CHST11: variants seen among roughly 807,000 people sequenced by gnomAD.
The protein encoded by CHST11 is carbohydrate sulfotransferase 11.
In CHST11, 9 loss-of-function variants were observed where a neutral mutation model predicts 30.4. That is an observed-to-expected ratio of 0.30 (90% CI 0.18 to 0.52). The LOEUF is 0.52. CHST11 is among the 20% of genes least tolerant of loss of function. The pLI is 0.97. For synonymous variants in CHST11, 152 were observed against 187.8 expected (o/e 0.81, Z 1.56); for missense variants, 348 against 460.6 (o/e 0.76, Z 2.24).
intron 1 of CHST11, among the ~76,000 whole-genome samples, chr12:104,481,146 C>A (rs1228440372): frequency 6.6e-6 from 1 of 152,204 alleles, no homozygotes; most frequent in Non-Finnish European, 1.5e-5. Context: ...CCTTTCATGA[C>A]TTCTCATTGC....
chr12:104,712,308 ATC>A (rs1459313460), intron 2 of CHST11, among the ~76,000 whole-genome samples: 1 of 152,120 alleles, frequency 6.6e-6, no homozygotes, highest in African/African-American at 2.4e-5. Flanking sequence ...TGCCTTCAGC[ATC>A]TCACCTTGAC....
intron 1 of CHST11, chr12:104,591,665 G>C (rs61938575): frequency 6.6e-6 from 1 of 150,948 alleles, no homozygotes; most frequent in Admixed American, 6.6e-5. Flanking sequence ...AGGTCCCACA[G>C]CAGGGCTGGA....
chr12:104,672,010 A>G (rs1373508464), intron 2 of CHST11, among the ~76,000 whole-genome samples: 1 of 152,234 alleles, frequency 6.6e-6, no homozygotes, highest in Non-Finnish European at 1.5e-5. Context: ...CTGACCCGTC[A>G]GTGACCATGT....
chr12:104,696,155 A>G (rs575912984), intron 2 of CHST11, among the ~76,000 whole-genome samples: 1 of 151,852 alleles, frequency 6.6e-6, no homozygotes, highest in Non-Finnish European at 1.5e-5. Context: ...ATGGTTTCCA[A>G]GCCTTCTGTT....
chr12:104,490,696 A>C (rs866230315), intron 1 of CHST11, among the ~76,000 whole-genome samples: 3 of 152,292 alleles, frequency 2.0e-5, no homozygotes, highest in South Asian at 4.1e-4. Flanking sequence ...TGAGAAGTGG[A>C]AAGTGGGCTT....
In CHST11 at chr12:104,676,501, G is replaced by A. The variant is rs1428184389; in HGVS notation, c.204+74510G>A. On this transcript the variant is annotated intron_variant, in intron 2 of 2. Transcript: ENST00000303694. This position sits in a 1 kb window ranked among gnomAD's most constrained non-coding sequence, Gnocchi z 4.4. ...GCAATCTCGGCTCACTGCAACCTCCGCCTCCCGGGTTCAAGGGATTATTCT... is the reference window on the plus strand; with the variant it reads ...GCAATCTCGGCTCACTGCAACCTCCACCTCCCGGGTTCAAGGGATTATTCT... Among the ~76,000 whole-genome samples, 3 of 152,148 alleles carry A rather than the reference G, an allele frequency of 2.0e-5. No homozygotes were observed. Among genetic ancestry groups the A allele is most frequent in the African/African-American group, 4.8e-5 (2 of 41,444 alleles).
At chr12:104,542,735 C>G (rs2038297379) in intron 1 of CHST11, among the ~76,000 whole-genome samples, 1 of 152,118 alleles carries the variant, frequency 6.6e-6, no homozygotes, top group African/African-American at 2.4e-5. Context: ...CTGTATAAAC[C>G]TTTTAGTGCC....
At chr12:104,733,441 G>A (rs555095507) in intron 2 of CHST11, among the ~76,000 whole-genome samples, 11 of 152,294 alleles carry the variant, frequency 7.2e-5, no homozygotes, top group African/African-American at 2.2e-4. Flanking sequence ...AAGTTCCCCC[G>A]TGTTCAACCC....
At chr12:104,655,501 G>A (rs1219091054) in intron 2 of CHST11, among the ~76,000 whole-genome samples, 1 of 152,194 alleles carries the variant, frequency 6.6e-6, no homozygotes, top group Non-Finnish European at 1.5e-5. Context: ...GGGAGCAGGA[G>A]TCCTGGGGAG....
At chr12:104,500,588 A>G (rs1401494036) in intron 1 of CHST11, among the ~76,000 whole-genome samples, 1 of 152,198 alleles carries the variant, frequency 6.6e-6, no homozygotes, top group Non-Finnish European at 1.5e-5. Flanking sequence ...AGAGAGGAAC[A>G]AATAGGCAAG....
chr12:104,578,973 G>A (rs2038711908), intron 1 of CHST11, among the ~76,000 whole-genome samples: 1 of 152,192 alleles, frequency 6.6e-6, no homozygotes, highest in Non-Finnish European at 1.5e-5. Context: ...CCTATTTTGG[G>A]CCTGGTCCTA....
chr12:104,725,136 A>T (rs572176956), intron 2 of CHST11, among the ~76,000 whole-genome samples: 63 of 152,216 alleles, frequency 4.1e-4, no homozygotes, highest in Non-Finnish European at 8.2e-4. Flanking sequence ...TCTGACTCTC[A>T]ATTTCCTTAT....
chr12:104,587,900 G>GT (rs61022741), intron 1 of CHST11, among the ~76,000 whole-genome samples: 1 of 144,708 alleles, frequency 6.9e-6, no homozygotes, highest in East Asian at 2.0e-4. Flanking sequence ...AGGAGATTAG[G>GT]TTTTTTAAAA....
intron 1 of CHST11, among the ~76,000 whole-genome samples, chr12:104,588,109 A>T (rs532361430): frequency 6.6e-6 from 1 of 152,288 alleles, no homozygotes; most frequent in Middle Eastern, 3.4e-3. Flanking sequence ...TACTATTTAC[A>T]TGTAAAATTC....
intron 2 of CHST11, among the ~76,000 whole-genome samples, chr12:104,648,112 A>G (rs899455984): frequency 3.0e-4 from 45 of 152,310 alleles, no homozygotes; most frequent in Admixed American, 8.5e-4. Flanking sequence ...GAATACAAGG[A>G]GGTGAAGTTT....
intron 1 of CHST11, among the ~76,000 whole-genome samples, chr12:104,574,139 T>C (rs1238387873): frequency 6.6e-6 from 1 of 152,146 alleles, no homozygotes; most frequent in East Asian, 1.9e-4. Context: ...ATCAGAGAAA[T>C]GCAAATCAAA....
intron 2 of CHST11, among the ~76,000 whole-genome samples, chr12:104,648,209 A>C (rs1469313450): frequency 6.6e-6 from 1 of 152,164 alleles, no homozygotes; most frequent in African/African-American, 2.4e-5. Context: ...TTGGGTATCT[A>C]TATTGTTTCC....
In CHST11 at chr12:104,647,279, T is replaced by C. The variant is rs544634616; in HGVS notation, c.204+45288T>C. Among the ~76,000 whole-genome samples the C allele has an allele frequency of 5.9e-5, 9 of 152,328 alleles. No homozygotes were observed. In the East Asian group the frequency reaches 1.3e-3, roughly 23 times the overall value. On this transcript the variant is annotated intron_variant, in intron 2 of 2. Coordinates refer to ENST00000303694, the MANE Select transcript of CHST11 (RefSeq NM_018413.6). ...CAGCATGCAAGGTAGACATCTTTGT[T>C]TTTTCCTGATGGAAGCCAACTGGCT...
At chr12:104,673,303 C>T (rs556889908) in intron 2 of CHST11, among the ~76,000 whole-genome samples, 6 of 152,246 alleles carry the variant, frequency 3.9e-5, no homozygotes, top group African/African-American at 1.4e-4. Context: ...TGGGGAGGTA[C>T]CATTCAGCCT....
Sources: gnomAD v4.1 joint callset for allele counts (sites outside exome capture counted in the v4.1 genomes callset) on GRCh38, gnomAD v4.1.1 for gene constraint, Gnocchi (gnomAD v3.1) non-coding constraint, MANE v1.5 for transcripts, NCBI Gene and HGNC (gene_info 2026-07-23, HGNC 2026-07-21) for gene names.